The following PTPRT variants were observed in gnomAD, a reference collection of about 807,000 sequenced individuals.
The protein encoded by PTPRT is receptor-type tyrosine-protein phosphatase T.
A neutral mutation model predicts 176.8 loss-of-function variants in PTPRT; 56 were observed. The ratio of observed to expected loss-of-function variants is 0.32; its 90% CI spans 0.26 to 0.40. The LOEUF (loss-of-function observed/expected upper bound fraction) is 0.40, where lower values mean the gene tolerates loss of function less well. PTPRT is among the 10% of genes least tolerant of loss of function. The pLI, the probability that PTPRT is intolerant of heterozygous loss-of-function variation, is 1.00. For synonymous variants in PTPRT, 783 were observed against 739.0 expected, an observed-to-expected ratio of 1.06 and a Z score of -0.96; for missense variants, 1,540 against 1,908.2, an observed-to-expected ratio of 0.81 and a Z score of 3.60.
chr20:42,555,883 C>T (rs757942657), intron 7 of PTPRT, among the ~76,000 whole-genome samples: 1 of 152,120 alleles, frequency 6.6e-6, no homozygotes, highest in Non-Finnish European at 1.5e-5. Context: ...AAGCCCACAC[C>T]TAGGAGGGAC....
intron 1 of PTPRT, among the ~76,000 whole-genome samples, chr20:43,067,127 T>A (rs943465511): frequency 1.3e-5 from 2 of 152,232 alleles, no homozygotes; most frequent in Non-Finnish European, 2.9e-5. Context: ...CATAGCCATA[T>A]GAAATATTCT....
intron 15 of PTPRT, among the ~76,000 whole-genome samples, chr20:42,207,274 G>A (rs2055496186): frequency 2.0e-5 from 3 of 152,150 alleles, no homozygotes; most frequent in Non-Finnish European, 2.9e-5. Context: ...CACCAGCAAC[G>A]GAACAAAGCT....
At chr20:43,163,248 C>T (rs2014749026) in intron 1 of PTPRT, among the ~76,000 whole-genome samples, 1 of 152,172 alleles carries the variant, frequency 6.6e-6, no homozygotes, top group Non-Finnish European at 1.5e-5. Flanking sequence ...CGTTCTATAA[C>T]ACAAATCTTG....
At chr20:42,902,843 C>T (rs780198462) in intron 1 of PTPRT, among the ~76,000 whole-genome samples, 8 of 152,202 alleles carry the variant, frequency 5.3e-5, no homozygotes, top group Non-Finnish European at 8.8e-5. Context: ...AATTCCCACT[C>T]CTCCTTATTA....
chr20:42,879,733 ATGTGTGTGTGTG>A (rs11468460), intron 2 of PTPRT, among the ~76,000 whole-genome samples: 8 of 149,078 alleles, frequency 5.4e-5, no homozygotes, highest in African/African-American at 1.7e-4. Flanking sequence ...GTTGGGTGAA[ATGTGTGTGTGTG>A]TGTGTGTGTG....
intron 1 of PTPRT, among the ~76,000 whole-genome samples, chr20:43,110,520 G>T (rs887197405): frequency 6.6e-6 from 1 of 152,230 alleles, no homozygotes; most frequent in African/African-American, 2.4e-5. Flanking sequence ...CAGTAACAGG[G>T]AGGGGACAGA....
At chr20:42,765,631 G>A (rs914720512) in intron 5 of PTPRT, among the ~76,000 whole-genome samples, 12 of 151,816 alleles carry the variant, frequency 7.9e-5, no homozygotes, top group African/African-American at 2.9e-4. Context: ...ACAATCAAGT[G>A]TCTTAATATG....
chr20:42,894,934 C>T (rs1331441200), intron 1 of PTPRT, among the ~76,000 whole-genome samples: 1 of 152,108 alleles, frequency 6.6e-6, no homozygotes, highest in African/African-American at 2.4e-5. Context: ...GTGGTGTGGG[C>T]CTCACATAGT....
intron 1 of PTPRT, among the ~76,000 whole-genome samples, chr20:43,050,973 A>T (rs1046835060): frequency 1.3e-5 from 2 of 152,208 alleles, no homozygotes; most frequent in Admixed American, 1.3e-4. Flanking sequence ...AAGCTATCAG[A>T]AGAAAGTGGC....
At chr20:42,783,342 C>T (rs978035065) in intron 3 of PTPRT, among the ~76,000 whole-genome samples, 1 of 150,904 alleles carries the variant, frequency 6.6e-6, no homozygotes, top group Non-Finnish European at 1.5e-5. Flanking sequence ...TGAAAATATC[C>T]TTTTTTATGT....
At chr20:42,953,669 G>A (rs1015726174) in intron 1 of PTPRT, among the ~76,000 whole-genome samples, 9 of 152,134 alleles carry the variant, frequency 5.9e-5, no homozygotes, top group East Asian at 3.9e-4. Flanking sequence ...CCCAGCCCGT[G>A]GAGAAGCTGA....
At chr20:42,052,176 C>T in the PTPRT span, among the ~76,000 whole-genome samples, 1 of 152,196 alleles carries the variant, frequency 6.6e-6, no homozygotes, top group African/African-American at 2.4e-5. Flanking sequence ...TGGGAGCACC[C>T]CAGGGCACAC....
chr20:42,065,969 G>A, the PTPRT span, among the ~76,000 whole-genome samples: 5 of 150,494 alleles, frequency 3.3e-5, no homozygotes, highest in East Asian at 7.8e-4. Flanking sequence ...TCTTTTTACT[G>A]TTAGGCTTCC....
At chr20:42,475,360 C>G (rs2071271394) in intron 7 of PTPRT, among the ~76,000 whole-genome samples, 1 of 152,166 alleles carries the variant, frequency 6.6e-6, no homozygotes, top group Admixed American at 6.5e-5. Flanking sequence ...GTTGCACTCT[C>G]TATGTTGAAA....
At chr20:42,999,916 T>G (rs549716323) in intron 1 of PTPRT, among the ~76,000 whole-genome samples, 5 of 152,056 alleles carry the variant, frequency 3.3e-5, no homozygotes, top group Non-Finnish European at 7.4e-5. Flanking sequence ...TGAGGCTGTG[T>G]GGGATGCGAA....
At chr20:43,068,816 G>A (rs1324128074) in intron 1 of PTPRT, among the ~76,000 whole-genome samples, 2 of 152,166 alleles carry the variant, frequency 1.3e-5, no homozygotes, top group Non-Finnish European at 2.9e-5. Context: ...AAGGAAGCCA[G>A]GTGAAAAGAT....
Position 42,717,730 on chromosome 20 carries a change from GA to G in PTPRT, c.859+38731del, listed in dbSNP as rs530795828. ...TAAGTGAAAAGGCAAGCTACAGAAA[GA>G]AAAAGGATATTTATGATATGTATAC... On this transcript the variant is annotated intron_variant, in intron 6 of 30. Transcript: ENST00000373187. Among the ~76,000 whole-genome samples, 31 of 152,028 alleles carry G rather than the reference GA, an allele frequency of 2.0e-4. No homozygotes were observed. In the East Asian group the frequency reaches 4.4e-3, roughly 22 times the overall value.
chr20:42,338,431 C>T (rs1231278588), intron 11 of PTPRT, among the ~76,000 whole-genome samples: 1 of 152,134 alleles, frequency 6.6e-6, no homozygotes, highest in Non-Finnish European at 1.5e-5. Context: ...TGCCTTTGAA[C>T]ATCTGCATCC....
chr20:42,585,872 G>C (rs1016156619), intron 7 of PTPRT, among the ~76,000 whole-genome samples: 3 of 152,028 alleles, frequency 2.0e-5, no homozygotes, highest in African/African-American at 7.3e-5. Flanking sequence ...ACAGTTTATT[G>C]TAACAATATG....
Sources: allele counts gnomAD v4.1 joint callset (sites outside exome capture counted in the v4.1 genomes callset), GRCh38; gene constraint gnomAD v4.1.1; transcripts MANE v1.5; gene names NCBI Gene and HGNC (gene_info 2026-07-23, HGNC 2026-07-21).